Variants in CYP11B1 observed in about 807,000 individuals in gnomAD.
CYP11B1 encodes the protein cytochrome P450 family 11 subfamily B member 1.
A neutral mutation model predicts 48.3 loss-of-function variants in CYP11B1; 34 were observed. The observed-to-expected ratio is 0.70, with a 90% confidence interval of 0.54 to 0.94. The LOEUF (loss-of-function observed/expected upper bound fraction) is 0.94, where lower values mean the gene tolerates loss of function less well. Ranked by LOEUF, CYP11B1 falls within the 40% of genes least tolerant of loss-of-function variation. CYP11B1 has a pLI of 0.00. For missense variants in CYP11B1, 688 were observed against 657.4 expected (o/e 1.05, Z -0.51); for synonymous variants, 291 against 262.5 (o/e 1.11, Z -1.05).
Position 142,875,782 on chromosome 8 carries a change from T to A in CYP11B1, c.1051A>T (p.Ile351Phe). 6.2e-7 allele frequency: 1 copy of A among 1,613,940 alleles called. No individual in the cohort carries two copies. The change falls in exon 6 of 9, where the codon ATC (isoleucine) becomes TTC (phenylalanine). Residue 351 changes from isoleucine to phenylalanine, a missense_variant. Physicochemically the swap from Ile to Phe is conservative, Grantham distance 21. Coordinates refer to ENST00000292427, the MANE Select transcript of CYP11B1 (RefSeq NM_000497.4). Reference sequence around the variant, plus strand: ...GTTGCCTTCTGGGGATGTTCACTGATGCTGGCTGCGGCGGCCAGGCTCTCC... The same window carrying A: ...GTTGCCTTCTGGGGATGTTCACTGAAGCTGGCTGCGGCGGCCAGGCTCTCC... ...RQESLAAAASISEHPQKATTE... is the reference protein window; with the variant it reads ...RQESLAAAASFSEHPQKATTE...
Position 142,875,135 on chromosome 8 carries a change from A to G in CYP11B1, c.1220T>C (p.Leu407Pro), listed in dbSNP as rs1172372277. The change falls in exon 8 of 9, where the codon CTC (leucine) becomes CCC (proline). Residue 407 changes from leucine to proline, a missense_variant. By Grantham distance (98) the Leu-to-Pro change is moderately conservative. Coordinates refer to ENST00000292427, the MANE Select transcript of CYP11B1 (RefSeq NM_000497.4). ...IPAGTLVRVF[L>P]YSLGRNPALF... Reference sequence around the variant, plus strand: ...GGCGGGGTTGCGACCCAGAGAGTAGAGGAACACGCGCACCAATGTCTGCGG... The same window carrying G: ...GGCGGGGTTGCGACCCAGAGAGTAGGGGAACACGCGCACCAATGTCTGCGG... The G allele has an allele frequency of 1.2e-6, 2 of 1,614,108 alleles. No homozygotes were observed. The highest frequency in any genetic ancestry group is 2.7e-5 in the African/African-American group (2 of 74,934).
At chr8:142,875,988 G>A in intron 5 of CYP11B1, 110 bp from the exon 6 acceptor site, 2 of 1,400,100 alleles carry the variant, frequency 1.4e-6, no homozygotes, top group African/African-American at 1.4e-5. Flanking sequence ...CATACCCTGA[G>A]AACGACAGAG....
At position 142,874,946 on chromosome 8, in the gene CYP11B1, G is replaced by A. The variant is rs1379636865; in HGVS notation, c.1398+11C>T. ...CCCGCCCAGGCCCCTCCCCAGCCCGGGCCTGCTCACATGGTGCAGCAGCAG... is the reference window on the plus strand; with the variant it reads ...CCCGCCCAGGCCCCTCCCCAGCCCGAGCCTGCTCACATGGTGCAGCAGCAG... On this transcript the variant is annotated intron_variant, in intron 8 of 8. Coordinates refer to ENST00000292427, the MANE Select transcript of CYP11B1 (RefSeq NM_000497.4). The A allele has an allele frequency of 1.2e-6, 2 of 1,612,434 alleles. No homozygotes were observed. Among genetic ancestry groups the A allele is most frequent in the South Asian group, 2.2e-5 (2 of 91,016 alleles).
chr8:142,878,996 G>A (rs766731958), intron 2 of CYP11B1, 36 bp downstream of exon 2: 6 of 1,612,400 alleles, frequency 3.7e-6, no homozygotes, highest in Non-Finnish European at 5.1e-6. Flanking sequence ...CACCCAGGCT[G>A]CCCACCCTGC....
chr8:142,876,193 G>A (rs773902049), intron 5 of CYP11B1, 48 bp downstream of exon 5: 5 of 1,613,092 alleles, frequency 3.1e-6, no homozygotes, highest in Non-Finnish European at 4.2e-6. Context: ...TGCCTGGGAG[G>A]CAGGCTTGGC....
chr8:142,874,369 G>A lies in CYP11B1; in HGVS notation c.*4C>T, dbSNP rs369542153. The A allele has an allele frequency of 3.0e-5, 48 of 1,605,038 alleles. No individual in the cohort carries two copies. Among genetic ancestry groups the A allele is most frequent in the Admixed American group, 8.3e-5 (5 of 59,994 alleles). ...AGGCTGGGACCCTGGGTGCAGAGAC[G>A]TGATTAGTTGATGGCTCTGAAGGTG... On this transcript the variant is annotated 3_prime_UTR_variant, in exon 9 of 9. Transcript: ENST00000292427.
Position 142,877,182 on chromosome 8 carries a change from G to A in CYP11B1, c.436C>T (p.Pro146Ser). ...EWRFNRLRLN[P>S]EVLSPNAVQR... is the part of the protein sequence containing the mutation. The stretch of plus-strand genomic sequence containing the variant: ...ACAGCGTTGGGCGACAGCACTTCTG[G>A]ATTCAGCCGCAATCGGTTGAAGCGC... Residue 146 changes from proline (P) to serine (S), a missense_variant, in exon 3 of 9, where the codon CCA becomes TCA. Pro to Ser is a moderately conservative substitution (Grantham distance 74, BLOSUM62 -1). Coordinates refer to ENST00000292427, the MANE Select transcript of CYP11B1 (RefSeq NM_000497.4). 6.2e-7 allele frequency: 1 copy of A among 1,614,166 alleles called. No homozygotes were observed. The highest frequency in any genetic ancestry group is 8.5e-7 in the Non-Finnish European group (1 of 1,180,020).
intron 8 of CYP11B1, 30 bp downstream of exon 8, chr8:142,874,927 C>T: frequency 6.2e-7 from 1 of 1,610,954 alleles, no homozygotes; most frequent in Non-Finnish European, 8.5e-7. Context: ...AGACCCCGCC[C>T]AGGCCCCTCC....
Position 142,873,851 on chromosome 8 carries a change from C to G in CYP11B1, c.*522G>C, listed in dbSNP as rs761297069. On this transcript the variant is annotated 3_prime_UTR_variant, in exon 9 of 9. Transcript: ENST00000292427. ...TTATTCTACCCTGCAGGACCCTATTCCAGGGTGACAACTTTCAGAGAGCTC... is the reference window on the plus strand; with the variant it reads ...TTATTCTACCCTGCAGGACCCTATTGCAGGGTGACAACTTTCAGAGAGCTC... 6 of 199,066 alleles carry G rather than the reference C, an allele frequency of 3.0e-5. No homozygotes were observed. The highest frequency in any genetic ancestry group is 1.1e-4 in the East Asian group (1 of 9,018). 12.3% of individuals were successfully genotyped at this position (199,066 alleles called of 1,614,324 possible).
intron 4 of CYP11B1, 88 bp from the exon 5 acceptor site, chr8:142,876,483 C>G (rs1396488181): frequency 6.5e-7 from 1 of 1,541,856 alleles, no homozygotes; most frequent in Non-Finnish European, 8.8e-7. Flanking sequence ...GCCCCGACAC[C>G]CAAGTCTCCC....
intron 1 of CYP11B1, 165 bp downstream of exon 1, chr8:142,879,410 C>T: frequency 6.2e-7 from 1 of 1,612,790 alleles, no homozygotes; most frequent in South Asian, 1.1e-5. Flanking sequence ...CATCCCCTGC[C>T]CTGGCAGCGC....
chr8:142,878,825 C>T (rs1817047719), intron 2 of CYP11B1, among the ~76,000 whole-genome samples: 1 of 152,118 alleles, frequency 6.6e-6, no homozygotes, highest in African/African-American at 2.4e-5. Flanking sequence ...GCAGAGGTGC[C>T]CGTGCCCATT....
chr8:142,878,124 G>A (rs1447648842), intron 2 of CYP11B1, among the ~76,000 whole-genome samples: 2 of 152,160 alleles, frequency 1.3e-5, no homozygotes, highest in Non-Finnish European at 2.9e-5. Context: ...CACACAGCAT[G>A]TGCACAGATG....
rs1347797171 is a variant in CYP11B1, at chr8:142,875,443, C to T, written c.1122-131G>A. 17 of 1,265,680 alleles carry T rather than the reference C, an allele frequency of 1.3e-5. No individual in the cohort carries two copies. In the South Asian group the frequency reaches 1.5e-4, roughly 11 times the overall value. 78.4% of individuals were successfully genotyped at this position (1,265,680 alleles called of 1,614,324 possible). A position where few individuals can be genotyped will look rare whatever the true frequency, so the allele number is the denominator to read the frequency against. ...AAGCCCAGGTCGTAGGAAGTGCTTC[C>T]TTGCACCTGCTGAGCCCGGCCAAAC... On this transcript the variant is annotated intron_variant, in intron 6 of 8. Coordinates refer to ENST00000292427, the MANE Select transcript of CYP11B1 (RefSeq NM_000497.4).
intron 6 of CYP11B1, 39 bp downstream of exon 6, chr8:142,875,673 G>GGGGGCC: frequency 6.2e-7 from 1 of 1,610,200 alleles, no homozygotes; most frequent in African/African-American, 1.3e-5. Context: ...CTCTCCAGCA[G>GGGGGCC]GGGGCCAGGG....
At chr8:142,879,288 C>T (rs868000892) in intron 1 of CYP11B1, 101 bp from the exon 2 acceptor site, 1 of 1,608,098 alleles carries the variant, frequency 6.2e-7, no homozygotes, top group South Asian at 1.1e-5. Flanking sequence ...CCTCCCCTCT[C>T]CTGGATTAGC....
Position 142,876,440 on chromosome 8 carries a change from G to A in CYP11B1, c.800-45C>T, listed in dbSNP as rs7822986. On this transcript the variant is annotated intron_variant, in intron 4 of 8. Transcript: ENST00000292427. The stretch of plus-strand genomic sequence containing the variant: ...CAGCCCTCAGACTTTGGTGCTGGGA[G>A]ACATCCTTCAGTGTCCTCCTCCTGC... 0.59 allele frequency: 936,003 copies of A among 1,590,254 alleles called. 278,467 individuals carry two copies. Among genetic ancestry groups the A allele is most frequent in the East Asian group, 0.84 (36,763 of 43,704 alleles).
In CYP11B1 at chr8:142,875,219, G is replaced by A; in HGVS notation, c.1200+15C>T. The A allele has an allele frequency of 6.2e-7, 1 of 1,614,138 alleles. No homozygotes were observed. The highest frequency in any genetic ancestry group is 8.5e-7 in the Non-Finnish European group (1 of 1,180,000). On this transcript the variant is annotated intron_variant, in intron 7 of 8. Coordinates refer to ENST00000292427, the MANE Select transcript of CYP11B1 (RefSeq NM_000497.4). Reference sequence around the variant, plus strand: ...GAGGGAGGTTCTCAGCTCGAGGGGTGTGGGGCTCACTCACCCCAGCTGGGA... The same window carrying A: ...GAGGGAGGTTCTCAGCTCGAGGGGTATGGGGCTCACTCACCCCAGCTGGGA...
In CYP11B1 at chr8:142,879,702, A is replaced by T. The variant is rs754316010; in HGVS notation, c.112T>A (p.Phe38Ile). Residue 38 changes from phenylalanine to isoleucine, a missense_variant, in exon 1 of 9, where the codon TTT becomes ATT. By Grantham distance (21) the Phe-to-Ile change is conservative. Coordinates refer to ENST00000292427, the MANE Select transcript of CYP11B1 (RefSeq NM_000497.4). ...AARVPRTVLP[F>I]EAMPRRPGNR... ...CCTGGACGCCGGGGCATGGCTTCAAAGGGCAGCACTGTCCTGGGGACCCGG... is the reference window on the plus strand; with the variant it reads ...CCTGGACGCCGGGGCATGGCTTCAATGGGCAGCACTGTCCTGGGGACCCGG... 2.5e-6 allele frequency: 4 copies of T among 1,614,214 alleles called. No individual in the cohort carries two copies. Among genetic ancestry groups the T allele is most frequent in the Non-Finnish European group, 1.7e-6 (2 of 1,180,034 alleles).
Sources: gnomAD v4.1 joint callset for allele counts (sites outside exome capture counted in the v4.1 genomes callset) on GRCh38, gnomAD v4.1.1 for gene constraint, MANE v1.5 for transcripts, NCBI Gene and HGNC (gene_info 2026-07-23, HGNC 2026-07-21) for gene names.